Variants in DLC1 observed in about 807,000 individuals in gnomAD.
DLC1 encodes rho GTPase-activating protein 7.
A neutral mutation model predicts 140.3 loss-of-function variants in DLC1; 54 were observed. That is an observed-to-expected ratio of 0.38 (90% CI 0.31 to 0.48). The LOEUF (loss-of-function observed/expected upper bound fraction) is 0.48. Ranked by LOEUF, DLC1 falls within the 20% of genes least tolerant of loss-of-function variation. DLC1 has a pLI of 0.96. For missense variants in DLC1, 2,536 were observed against 1,907.0 expected, an observed-to-expected ratio of 1.33 and a Z score of -6.14; for synonymous variants, 986 against 728.1, an observed-to-expected ratio of 1.35 and a Z score of -5.70.
chr8:13,368,238 C>A (rs946535174), intron 4 of DLC1, among the ~76,000 whole-genome samples: 1 of 152,094 alleles, frequency 6.6e-6, no homozygotes, highest in Non-Finnish European at 1.5e-5. Flanking sequence ...GATAAAGGGC[C>A]CTCAGACACC....
At chr8:13,338,974 A>G (rs961826106) in intron 4 of DLC1, among the ~76,000 whole-genome samples, 1 of 152,200 alleles carries the variant, frequency 6.6e-6, no homozygotes, top group Non-Finnish European at 1.5e-5. Flanking sequence ...TAAAACACAC[A>G]TACTGATTTG....
chr8:13,251,850 T>C (rs927805690), intron 5 of DLC1, among the ~76,000 whole-genome samples: 8 of 152,206 alleles, frequency 5.3e-5, no homozygotes, highest in South Asian at 2.1e-4. Context: ...CTATAATAAT[T>C]ATTATTAGAG....
intron 5 of DLC1, among the ~76,000 whole-genome samples, chr8:13,282,153 C>T (rs1340887038): frequency 6.6e-6 from 1 of 152,172 alleles, no homozygotes; most frequent in East Asian, 1.9e-4. Context: ...AAATACCTCA[C>T]CAGAATTCTA....
chr8:13,085,575 A>AG lies in DLC1; in HGVS notation c.*235_*236insC. On this transcript the variant is annotated 3_prime_UTR_variant, in exon 18 of 18. Coordinates refer to ENST00000276297, the MANE Select transcript of DLC1 (RefSeq NM_182643.3). Reference sequence around the variant, plus strand: ...AGCAATTTGAATAAGAATACACATAAATTTTTTTTTTTTTTTTGCACAGTC... The same window carrying AG: ...AGCAATTTGAATAAGAATACACATAAGATTTTTTTTTTTTTTTTGCACAGTC... 2.5e-6 allele frequency: 1 copy of AG among 396,072 alleles called. No homozygotes were observed. Among genetic ancestry groups the AG allele is most frequent in the Non-Finnish European group, 4.3e-6 (1 of 233,746 alleles). The allele number at this position is 396,072 out of a possible 1,614,324, so 24.5% of individuals were successfully genotyped here. A position where few individuals can be genotyped will look rare whatever the true frequency, so the allele number is the denominator to read the frequency against.
chr8:13,086,060 C>A, intron 17 of DLC1, 129 bp from the exon 18 acceptor site: 1 of 1,432,918 alleles, frequency 7.0e-7, no homozygotes, highest in South Asian at 1.5e-5. Context: ...GAATTCATGG[C>A]CGAGCTACCA....
At chr8:13,418,786 T>C (rs1276807549) in intron 2 of DLC1, among the ~76,000 whole-genome samples, 4 of 152,130 alleles carry the variant, frequency 2.6e-5, no homozygotes, top group African/African-American at 9.7e-5. Flanking sequence ...TGGCATGGAA[T>C]CTATAAATTA....
intron 5 of DLC1, among the ~76,000 whole-genome samples, chr8:13,122,500 A>G (rs997726): frequency 0.23 from 34,572 of 152,100 alleles, 4,069 homozygotes; most frequent in South Asian, 0.31. Flanking sequence ...AAAGAAAAAA[A>G]AAAATCTATT....
intron 2 of DLC1, among the ~76,000 whole-genome samples, chr8:13,492,351 C>A (rs1801290941): frequency 6.6e-6 from 1 of 152,232 alleles, no homozygotes; most frequent in South Asian, 2.1e-4. Context: ...ATAACCACAT[C>A]ATCCTGTTGA....
chr8:13,120,356 A>AAAAAAAAAAATATATATATATATAT lies in DLC1; in HGVS notation c.1349-4700_1349-4699insATATATATATATATATTTTTTTTTT. 2.3e-3 allele frequency among the ~76,000 whole-genome samples: 139 copies of AAAAAAAAAAATATATATATATATAT among 61,004 alleles called. 2 individuals carry two copies. Among genetic ancestry groups the AAAAAAAAAAATATATATATATATAT allele is most frequent in the East Asian group, 0.012 (16 of 1,376 alleles). The allele number at this position is 61,004 out of a possible 152,430, so 40.0% of individuals were successfully genotyped here. ...AGACTCCGTCGCAAAAAAAAAAAAA[A>AAAAAAAAAAATATATATATATATAT]ATATATATATATATAAAATGTATAT... On this transcript the variant is annotated intron_variant, in intron 5 of 17. Coordinates refer to ENST00000276297, the MANE Select transcript of DLC1 (RefSeq NM_182643.3).
chr8:13,161,273 A>G (rs982660613), intron 5 of DLC1, among the ~76,000 whole-genome samples: 2 of 152,206 alleles, frequency 1.3e-5, no homozygotes, highest in Non-Finnish European at 2.9e-5. Context: ...AAACCTGACG[A>G]TTCTAAGAGC....
At chr8:13,570,402 G>A (rs555545032) in intron 1 of DLC1, among the ~76,000 whole-genome samples, 5 of 144,868 alleles carry the variant, frequency 3.5e-5, no homozygotes, top group African/African-American at 1.0e-4. Context: ...CCACTAACTC[G>A]TCATCTAGCA....
chr8:13,145,678 T>A (rs1010981141), intron 5 of DLC1, among the ~76,000 whole-genome samples: 2 of 152,242 alleles, frequency 1.3e-5, no homozygotes, highest in African/African-American at 2.4e-5. Flanking sequence ...AGTGGAATAT[T>A]ACACAGCAGT....
At chr8:13,352,527 A>G (rs1485021398) in intron 4 of DLC1, among the ~76,000 whole-genome samples, 2 of 151,844 alleles carry the variant, frequency 1.3e-5, no homozygotes, top group East Asian at 3.9e-4. Context: ...GACTACAGGC[A>G]TGCACCACCA....
intron 1 of DLC1, among the ~76,000 whole-genome samples, chr8:13,523,282 T>A (rs1802814848): frequency 6.6e-6 from 1 of 152,188 alleles, no homozygotes; most frequent in Non-Finnish European, 1.5e-5. Context: ...GCTACCAATT[T>A]TTTTTAAGAA....
Position 13,391,681 on chromosome 8 carries a change from A to G in DLC1, c.1314+1872T>C, listed in dbSNP as rs560470581. ...TATTTATAAACACAGGGGTAACTGA[A>G]GAAAGAGTAAGCAACTGCACACATT... is the stretch of plus-strand genomic sequence containing the variant. On this transcript the variant is annotated intron_variant, in intron 4 of 17. Transcript: ENST00000276297. 2.8e-3 allele frequency among the ~76,000 whole-genome samples: 419 copies of G among 152,324 alleles called. 2 individuals carry two copies. The highest frequency in any genetic ancestry group is 9.5e-3 in the African/African-American group (397 of 41,578).
chr8:13,572,248 C>A (rs1225984598), intron 1 of DLC1, among the ~76,000 whole-genome samples: 4 of 151,922 alleles, frequency 2.6e-5, no homozygotes, highest in African/African-American at 7.2e-5. Flanking sequence ...TGCCACCACG[C>A]CCAGCTAATT....
chr8:13,577,659 C>T (rs1355478569), intron 1 of DLC1, among the ~76,000 whole-genome samples: 4 of 152,086 alleles, frequency 2.6e-5, no homozygotes, highest in Admixed American at 6.5e-5. Flanking sequence ...ATAAATTATA[C>T]GAATAAATTT....
intron 5 of DLC1, among the ~76,000 whole-genome samples, chr8:13,136,422 A>C (rs2128967342): frequency 6.6e-6 from 1 of 152,266 alleles, no homozygotes; most frequent in East Asian, 1.9e-4. Flanking sequence ...CTTATAAGTG[A>C]GAACATGGAG....
chr8:13,464,689 A>G (rs565117309), intron 2 of DLC1, among the ~76,000 whole-genome samples: 1 of 146,160 alleles, frequency 6.8e-6, no homozygotes, highest in South Asian at 2.2e-4. Flanking sequence ...ACCCTCCACT[A>G]ATTTTTTTGG....
Sources: gnomAD v4.1 joint callset for allele counts (sites outside exome capture counted in the v4.1 genomes callset) on GRCh38, gnomAD v4.1.1 for gene constraint, MANE v1.5 for transcripts, NCBI Gene and HGNC (gene_info 2026-07-23, HGNC 2026-07-21) for gene names.